CIT: variants seen among roughly 807,000 people sequenced by gnomAD.
The protein encoded by CIT is citron Rho-interacting kinase.
A neutral mutation model predicts 272.7 loss-of-function variants in CIT; 79 were observed. The observed-to-expected ratio is 0.29, with a 90% CI of 0.24 to 0.35. The LOEUF (loss-of-function observed/expected upper bound fraction) is 0.35, where lower values mean the gene tolerates loss of function less well. Ranked by LOEUF, CIT falls within the 10% of genes least tolerant of loss-of-function variation. CIT has a pLI of 1.00. For missense variants in CIT, 1,909 were observed against 2,618.3 expected (o/e 0.73, Z 5.91); for synonymous variants, 948 against 995.6 (o/e 0.95, Z 0.90).
chr12:119,694,698 G>C lies in CIT; in HGVS notation c.5882+2961C>G, dbSNP rs1565895164. Among the ~76,000 whole-genome samples, 1 of 152,034 alleles carries C rather than the reference G, an allele frequency of 6.6e-6. No homozygotes were observed. The highest frequency in any genetic ancestry group is 1.5e-5 in the Non-Finnish European group (1 of 68,008). ...GGGCGCCTGTAGTCCCAGCTACTCG[G>C]GGGGAGGCTGAAGTCGGGGGCTCTC... On this transcript the variant is annotated intron_variant, in intron 46 of 47. Transcript: ENST00000392521. The surrounding 1 kb of genome is among the most constrained non-coding windows in gnomAD (Gnocchi z 4.5).
intron 40 of CIT, among the ~76,000 whole-genome samples, chr12:119,707,574 T>A (rs1956947393): frequency 6.6e-6 from 1 of 152,076 alleles, no homozygotes; most frequent in Admixed American, 6.5e-5. Flanking sequence ...CAATCTCGGC[T>A]CACTGCAACC....
At chr12:119,772,940 T>C (rs1192206800) in intron 16 of CIT, 30 bp from the exon 17 acceptor site, 2 of 1,592,032 alleles carry the variant, frequency 1.3e-6, no homozygotes, top group Non-Finnish European at 1.7e-6. Context: ...AGGAGATAGG[T>C]GGGCAAATTT....
At chr12:119,787,548 G>A (rs1281034429) in intron 10 of CIT, among the ~76,000 whole-genome samples, 4 of 151,430 alleles carry the variant, frequency 2.6e-5, no homozygotes, top group Admixed American at 1.3e-4. Flanking sequence ...TGGCTAACAC[G>A]GTGAAACCTC....
At chr12:119,753,369 T>C (rs745949057) in intron 22 of CIT, among the ~76,000 whole-genome samples, 3 of 152,102 alleles carry the variant, frequency 2.0e-5, no homozygotes, top group African/African-American at 7.2e-5. Context: ...TTGCAAAAGA[T>C]GTAACCTGCA....
rs1266884400 is a variant in CIT at position 119,850,208 on chromosome 12, T to G, written c.482A>C (p.Gln161Pro). 6.2e-7 allele frequency: 1 copy of G among 1,613,296 alleles called. No homozygotes were observed. Among genetic ancestry groups the G allele is most frequent in the Admixed American group, 1.7e-5 (1 of 59,988 alleles). ...RSTSPWIPQL[Q>P]YAFQDKNHLY... is the part of the protein sequence containing the mutation. ...GTGATTTTTGTCCTGAAAGGCATACTGTAATTGGGGGATCCACGGGCTTGT... is the reference window on the plus strand; with the variant it reads ...GTGATTTTTGTCCTGAAAGGCATACGGTAATTGGGGGATCCACGGGCTTGT... The change falls in exon 5 of 48, where the codon CAG becomes CCG. Residue 161 changes from glutamine to proline, a missense_variant. Around this residue, in one of 8 missense-constraint regions of CIT, gnomAD observed 529 missense variants for 549.6 expected, o/e 0.96. Transcript: ENST00000392521.
chr12:119,725,240 T>C (rs1253903342), intron 28 of CIT, among the ~76,000 whole-genome samples: 1 of 151,940 alleles, frequency 6.6e-6, no homozygotes, highest in Non-Finnish European at 1.5e-5. Context: ...TGGGCCAACA[T>C]CGTGAAACCT....
At chr12:119,861,961 C>T (rs755338208) in intron 3 of CIT, among the ~76,000 whole-genome samples, 1 of 152,070 alleles carries the variant, frequency 6.6e-6, no homozygotes, top group Non-Finnish European at 1.5e-5. Context: ...ATACTCCTTA[C>T]AGACAGGGAG....
At chr12:119,740,129 T>G (rs1437410979) in intron 24 of CIT, among the ~76,000 whole-genome samples, 1 of 152,148 alleles carries the variant, frequency 6.6e-6, no homozygotes, top group Non-Finnish European at 1.5e-5. Context: ...CTCTCTCAGG[T>G]TCACACACAC....
intron 40 of CIT, among the ~76,000 whole-genome samples, chr12:119,704,900 A>T (rs1343373140): frequency 6.6e-6 from 1 of 152,164 alleles, no homozygotes; most frequent in Non-Finnish European, 1.5e-5. Context: ...AGAGACTGCT[A>T]AACGAATTTA....
chr12:119,761,936 C>T (rs902982364), intron 19 of CIT, among the ~76,000 whole-genome samples: 5 of 152,162 alleles, frequency 3.3e-5, no homozygotes, highest in Admixed American at 6.5e-5. Flanking sequence ...AAAAAGAAGA[C>T]GACATCAGAA....
intron 37 of CIT, among the ~76,000 whole-genome samples, chr12:119,711,663 C>T (rs149607947): frequency 2.4e-4 from 36 of 152,222 alleles, no homozygotes; most frequent in African/African-American, 8.4e-4. Flanking sequence ...ATTCTTTTTC[C>T]TTTGCTTTTA....
Position 119,760,941 on chromosome 12 carries a change from C to T in CIT, c.2419G>A (p.Ala807Thr). Residue 807 changes from alanine to threonine, a missense_variant and splice_region_variant, in exon 20 of 48, where the codon GCG (alanine) becomes ACG (threonine). By Grantham distance (58) the Ala-to-Thr change is moderately conservative. This residue lies in a region of CIT where 530 missense variants were observed against 822.4 expected (regional missense o/e 0.64). Transcript: ENST00000392521. ...GCTTGGCAACTCCTTCTACCTACCGCCTTCTGTTCGCTGAGAATTTTGCCC... is the reference window on the plus strand; with the variant it reads ...GCTTGGCAACTCCTTCTACCTACCGTCTTCTGTTCGCTGAGAATTTTGCCC... The part of the protein sequence containing the change: ...EKGKILSEQK[A>T]MINAMDSKIR... 6.2e-7 allele frequency: 1 copy of T among 1,608,846 alleles called. No individual in the cohort carries two copies. Among genetic ancestry groups the T allele is most frequent in the Non-Finnish European group, 8.5e-7 (1 of 1,175,116 alleles).
At chr12:119,706,592 T>C (rs1252993345) in intron 40 of CIT, among the ~76,000 whole-genome samples, 1 of 152,152 alleles carries the variant, frequency 6.6e-6, no homozygotes, top group Non-Finnish European at 1.5e-5. Context: ...TACAGCTCCA[T>C]CCATGTTCCT....
Position 119,787,112 on chromosome 12 carries a change from G to A in CIT, c.1296-2047C>T, listed in dbSNP as rs532713523. ...CCCCAGTAACTGGAACTACAGGCAC[G>A]CACCACCACACCCAGCTGATTTTTG... On this transcript the variant is annotated intron_variant, in intron 10 of 47. Transcript: ENST00000392521. Among the ~76,000 whole-genome samples the A allele has an allele frequency of 1.5e-4, 23 of 152,074 alleles. No homozygotes were observed. In the East Asian group the frequency reaches 1.9e-3, roughly 13 times the overall value.
At chr12:119,827,369 T>C (rs1212219845) in intron 7 of CIT, among the ~76,000 whole-genome samples, 4 of 152,266 alleles carry the variant, frequency 2.6e-5, no homozygotes, top group Non-Finnish European at 4.4e-5. Context: ...TGTATGTAAA[T>C]GTTAAAGAGC....
chr12:119,857,558 C>A lies in CIT; in HGVS notation c.379G>T (p.Val127Leu). 1 of 1,614,210 alleles carries A rather than the reference C, an allele frequency of 6.2e-7. No homozygotes were observed. Among genetic ancestry groups the A allele is most frequent in the Non-Finnish European group, 8.5e-7 (1 of 1,180,034 alleles). ...GCCAATAAAGCCTTCTTCTTCATCA[C>A]TTTCATAGCATAGATGTCCCCGGTT... ...KATGDIYAMK[V>L]MKKKALLAQE... Residue 127 changes from valine to leucine, a missense_variant, in exon 4 of 48, where the codon GTG becomes TTG. By Grantham distance (32) the Val-to-Leu change is conservative (BLOSUM62 1). Around this residue, in one of 8 missense-constraint regions of CIT, gnomAD observed 529 missense variants for 549.6 expected, o/e 0.96. Transcript: ENST00000392521.
intron 26 of CIT, among the ~76,000 whole-genome samples, chr12:119,733,902 G>T (rs983259448): frequency 2.6e-5 from 4 of 152,106 alleles, no homozygotes; most frequent in Admixed American, 1.3e-4. Context: ...AGAGGTATTT[G>T]CCCTGATGCC....
chr12:119,865,926 C>T (rs770199630), intron 3 of CIT, among the ~76,000 whole-genome samples: 28 of 147,610 alleles, frequency 1.9e-4, no homozygotes, highest in Admixed American at 1.5e-3. Flanking sequence ...AAACTGAGAA[C>T]AAAGTACATG....
rs370080702 is a variant in CIT, at chr12:119,713,595, C to T, written c.4360G>A (p.Gly1454Ser). The part of the protein sequence containing the change: ...KCSTCLPATC[G>S]LPAEYATHFT... ...TGTGTGGCATATTCAGCAGGCAAGC[C>T]GCAGGTGGCTGGCAAGCACGTGGAG... The change falls in exon 34 of 48, where the codon GGC (glycine) becomes AGC (serine). Residue 1454 changes from glycine (G) to serine (S), a missense_variant. Gly to Ser is a moderately conservative substitution (Grantham distance 56, BLOSUM62 0). Around this residue, in one of 8 missense-constraint regions of CIT, gnomAD observed 780 missense variants for 1,067.2 expected, o/e 0.73. Transcript: ENST00000392521. This position sits in a 1 kb window ranked among gnomAD's most constrained non-coding sequence, Gnocchi z 5.2. 16 of 1,614,110 alleles carry T rather than the reference C, an allele frequency of 9.9e-6. No individual in the cohort carries two copies. The highest frequency in any genetic ancestry group is 8.0e-5 in the African/African-American group (6 of 74,940).
Sources: allele counts gnomAD v4.1 joint callset (sites outside exome capture counted in the v4.1 genomes callset), GRCh38; gene constraint gnomAD v4.1.1; regional missense constraint gnomAD v4.1.1; non-coding constraint Gnocchi (gnomAD v3.1); transcripts MANE v1.5; gene names NCBI Gene and HGNC (gene_info 2026-07-23, HGNC 2026-07-21).